GID4: variants seen among roughly 807,000 people sequenced by gnomAD.
GID4 encodes GID complex subunit 4 homolog.
A neutral mutation model predicts 32.4 loss-of-function variants in GID4; 7 were observed. That is an observed-to-expected ratio of 0.22 (90% CI 0.12 to 0.41). The LOEUF is 0.41. GID4 is among the 10% of genes least tolerant of loss of function. The pLI, the probability that GID4 is intolerant of heterozygous loss-of-function variation, is 1.00. For synonymous variants in GID4, 166 were observed against 170.0 expected, an observed-to-expected ratio of 0.98 and a Z score of 0.18; for missense variants, 309 against 400.0, an observed-to-expected ratio of 0.77 and a Z score of 1.94.
At chr17:18,062,613 CT>C (rs910086652) in intron 5 of GID4, among the ~76,000 whole-genome samples, 101 of 152,296 alleles carry the variant, frequency 6.6e-4, no homozygotes, top group African/African-American at 2.3e-3. Flanking sequence ...AAAATTCTTT[CT>C]TTCCAGTATT....
chr17:18,058,997 A>T lies in GID4; in HGVS notation c.708+28A>T, dbSNP rs758322448. ...AAGTTCCCACCAGGTGGCCCTCCAG[A>T]CTCCCAGCAAGCCAGGCCCTGTATC... On this transcript the variant is annotated intron_variant, in intron 4 of 5. Transcript: ENST00000268719. 7 of 1,354,462 alleles carry T rather than the reference A, an allele frequency of 5.2e-6. No individual in the cohort carries two copies. In the South Asian group the frequency reaches 8.2e-5, roughly 16 times the overall value. 83.9% of individuals were successfully genotyped at this position (1,354,462 alleles called of 1,614,324 possible).
chr17:18,044,563 C>T (rs1351817876), intron 1 of GID4, among the ~76,000 whole-genome samples: 1 of 152,152 alleles, frequency 6.6e-6, no homozygotes, highest in African/African-American at 2.4e-5. Flanking sequence ...TTTTGGTTGG[C>T]ATTTTGGTTC....
intron 3 of GID4, 116 bp downstream of exon 3, chr17:18,054,350 A>G: frequency 1.6e-6 from 1 of 626,338 alleles, no homozygotes. Flanking sequence ...CAACCAAGTA[A>G]AAGGTTGCAC....
rs189515942 is a variant in GID4, at chr17:18,050,704, C to T, written c.499-3423C>T. 3.0e-4 allele frequency among the ~76,000 whole-genome samples: 45 copies of T among 152,352 alleles called. No homozygotes were observed. In the East Asian group the frequency reaches 7.9e-3, roughly 27 times the overall value. On this transcript the variant is annotated intron_variant, in intron 2 of 5. Coordinates refer to ENST00000268719, the MANE Select transcript of GID4 (RefSeq NM_024052.5). ...AATTGAATGTTAATCCTCCAGAAGA[C>T]AGGTCTACATGGAAAGTCGTGGTAC...
intron 4 of GID4, 120 bp downstream of exon 4, chr17:18,059,089 G>C (rs1015434281): frequency 1.6e-4 from 102 of 630,218 alleles, no homozygotes; most frequent in Non-Finnish European, 2.3e-4. Context: ...GGTTGTCATG[G>C]CAAAGTCTTC....
Position 18,067,008 on chromosome 17 carries a change from C to G in GID4, c.*1765C>G, listed in dbSNP as rs546083763. 1.3e-5 allele frequency: 2 copies of G among 152,340 alleles called. No homozygotes were observed. The highest frequency in any genetic ancestry group is 4.1e-4 in the South Asian group (2 of 4,822). The allele number at this position is 152,340 out of a possible 1,614,324, so 9.4% of individuals were successfully genotyped here. ...ATTCATTCCCAGAGATGAGTCAGAA[C>G]AGTCTCCTCAATCCTGAAATTCAAC... On this transcript the variant is annotated 3_prime_UTR_variant, in exon 6 of 6. Transcript: ENST00000268719.
At chr17:18,052,351 G>T (rs1286707000) in intron 2 of GID4, among the ~76,000 whole-genome samples, 1 of 152,136 alleles carries the variant, frequency 6.6e-6, no homozygotes, top group Non-Finnish European at 1.5e-5. Flanking sequence ...TTTCCTGGGA[G>T]CCTCTGCACC....
Position 18,058,896 on chromosome 17 carries a change from C to T in GID4, c.635C>T (p.Ala212Val), listed in dbSNP as rs1235084408. The change falls in exon 4 of 6, where the codon GCA becomes GTA. Residue 212 changes from alanine to valine, a missense_variant. Around this residue, in one of 2 missense-constraint regions of GID4, gnomAD observed 116 missense variants for 214.2 expected, o/e 0.54. Transcript: ENST00000268719. ...WGKFLAFYQY[A>V]KSFNSDDFDY... ...AAGTTTCTGGCTTTTTATCAGTATGCAAAATCATTTAACTCAGATGACTTT... is the reference window on the plus strand; with the variant it reads ...AAGTTTCTGGCTTTTTATCAGTATGTAAAATCATTTAACTCAGATGACTTT... 1 of 1,612,530 alleles carries T rather than the reference C, an allele frequency of 6.2e-7. No individual in the cohort carries two copies. The highest frequency in any genetic ancestry group is 1.1e-5 in the South Asian group (1 of 91,028).
chr17:18,043,006 C>G (rs1372946416), intron 1 of GID4, among the ~76,000 whole-genome samples: 2 of 152,136 alleles, frequency 1.3e-5, no homozygotes, highest in Non-Finnish European at 2.9e-5. Context: ...ACTGGGTCTC[C>G]TCTCCACCCC....
intron 2 of GID4, among the ~76,000 whole-genome samples, chr17:18,048,478 C>G (rs1223318256): frequency 2.6e-5 from 4 of 152,186 alleles, no homozygotes; most frequent in African/African-American, 9.7e-5. Context: ...CAGGCGTGAG[C>G]CAACGCACCC....
Position 18,065,405 on chromosome 17 carries a change from A to G in GID4, c.*162A>G. On this transcript the variant is annotated 3_prime_UTR_variant, in exon 6 of 6. Transcript: ENST00000268719. ...TGTTAACCCACAGAATCCAAGGAGCATGGCTGGCCCGTGGGGCAGGTGGAG... is the reference window on the plus strand; with the variant it reads ...TGTTAACCCACAGAATCCAAGGAGCGTGGCTGGCCCGTGGGGCAGGTGGAG... The G allele has an allele frequency of 3.1e-6, 2 of 648,758 alleles. No individual in the cohort carries two copies. Among genetic ancestry groups the G allele is most frequent in the Non-Finnish European group, 5.5e-6 (2 of 362,884 alleles). 40.2% of individuals were successfully genotyped at this position (648,758 alleles called of 1,614,324 possible).
In GID4 at chr17:18,039,782, G is replaced by A; in HGVS notation, c.318G>A (p.Pro106=). ...CTGCCTCCGCGGCCTCACTCATCCC[G>A]CCGCCGCCCATCAACACCCAGCAGC... ...ASAASAASLI[P]PPPINTQQPG... Residue 106 remains proline (P), a synonymous_variant, in exon 1 of 6, where the codon CCG becomes CCA. Transcript: ENST00000268719. This position sits in a 1 kb window ranked among gnomAD's most constrained non-coding sequence, Gnocchi z 5.3. The A allele has an allele frequency of 6.4e-7, 1 of 1,574,254 alleles. No homozygotes were observed. Among genetic ancestry groups the A allele is most frequent in the South Asian group, 1.2e-5 (1 of 86,926 alleles).
At chr17:18,057,735 G>A (rs934597086) in intron 3 of GID4, among the ~76,000 whole-genome samples, 1 of 151,704 alleles carries the variant, frequency 6.6e-6, no homozygotes, top group Non-Finnish European at 1.5e-5. Flanking sequence ...TGTTGTAAAT[G>A]TAGTCAGCCC....
At chr17:18,041,006 G>A (rs1429667930) in intron 1 of GID4, among the ~76,000 whole-genome samples, 1 of 152,080 alleles carries the variant, frequency 6.6e-6, no homozygotes, top group Admixed American at 6.5e-5. Context: ...AGTGGCAGTG[G>A]TGAATACTCT....
chr17:18,039,704 G>A lies in GID4; in HGVS notation c.240G>A (p.Gly80=), dbSNP rs2044767257. The A allele has an allele frequency of 6.8e-7, 1 of 1,480,304 alleles. No homozygotes were observed. The highest frequency in any genetic ancestry group is 1.3e-5 in the South Asian group (1 of 77,138). 91.7% of individuals were successfully genotyped at this position (1,480,304 alleles called of 1,614,324 possible). A position where few individuals can be genotyped will look rare whatever the true frequency, so the allele number is the denominator to read the frequency against. The change falls in exon 1 of 6, where the codon GGG becomes GGA. Residue 80 remains glycine (G), a synonymous_variant. Transcript: ENST00000268719. This position sits in a 1 kb window ranked among gnomAD's most constrained non-coding sequence, Gnocchi z 5.3. ...CACTCCCCCCAGCCCTGGCTCCGGG[G>A]GACCCCGCGATGCCGGTCCGCACCG... ...PLPLPPALAP[G]DPAMPVRTEC...
intron 3 of GID4, chr17:18,057,046 C>A (rs1317927449): frequency 1.9e-6 from 3 of 1,538,918 alleles, no homozygotes; most frequent in Non-Finnish European, 8.8e-7. Flanking sequence ...TATTGTATTG[C>A]ATCCTCAGAT....
intron 1 of GID4, among the ~76,000 whole-genome samples, chr17:18,042,551 TAC>T (rs1346080944): frequency 6.6e-6 from 1 of 152,176 alleles, no homozygotes; most frequent in Non-Finnish European, 1.5e-5. Context: ...ATTTTGTTTA[TAC>T]AGTGATCAGT....
intron 2 of GID4, among the ~76,000 whole-genome samples, chr17:18,052,587 C>G (rs988532030): frequency 5.9e-5 from 9 of 152,162 alleles, no homozygotes; most frequent in Admixed American, 1.3e-4. Flanking sequence ...TGGCAGACAC[C>G]AGGGGCTTGG....
chr17:18,060,187 C>G (rs971102332), intron 4 of GID4, among the ~76,000 whole-genome samples: 1 of 151,282 alleles, frequency 6.6e-6, no homozygotes, highest in African/African-American at 2.4e-5. Flanking sequence ...ATCACGAGGT[C>G]AGGAGTTCGA....
Sources: gnomAD v4.1 joint callset for allele counts (sites outside exome capture counted in the v4.1 genomes callset) on GRCh38, gnomAD v4.1.1 for gene constraint, gnomAD v4.1.1 regional missense constraint, Gnocchi (gnomAD v3.1) non-coding constraint, MANE v1.5 for transcripts, NCBI Gene and HGNC (gene_info 2026-07-23, HGNC 2026-07-21) for gene names.